Variants in ZC4H2 observed in about 807,000 individuals in gnomAD.
ZC4H2 encodes the protein zinc finger C4H2 domain-containing protein.
For synonymous variants in ZC4H2, 84 were observed against 66.3 expected (o/e 1.27, Z -1.30); for missense variants, 137 against 173.9 (o/e 0.79, Z 1.19).
At chrX:64,963,766 C>T (rs947485560) in intron 1 of ZC4H2, among the ~76,000 whole-genome samples, 3 of 111,147 alleles carry the variant, frequency 2.7e-5, no homozygotes, top group African/African-American at 9.8e-5. Flanking sequence ...TCTGCACTCC[C>T]GTGTTTATCA....
At chrX:64,952,564 C>T (rs2147391141) in intron 1 of ZC4H2, among the ~76,000 whole-genome samples, 1 of 111,230 alleles carries the variant, frequency 9.0e-6, no homozygotes, top group East Asian at 2.8e-4. Flanking sequence ...AACTCCCTTT[C>T]ACAGTTGCTT....
intron 1 of ZC4H2, among the ~76,000 whole-genome samples, chrX:65,018,846 G>C (rs1053630495): frequency 9.0e-6 from 1 of 111,479 alleles, no homozygotes; most frequent in Non-Finnish European, 1.9e-5. Flanking sequence ...AAGCTTGGTG[G>C]GGGGAGGGGC....
intron 1 of ZC4H2, among the ~76,000 whole-genome samples, chrX:64,946,134 A>AAAAACC (rs1183788688): frequency 9.1e-6 from 1 of 110,007 alleles, no homozygotes; most frequent in African/African-American, 3.3e-5. Flanking sequence ...GTGTGGGAAA[A>AAAAACC]AAAACCAAAA....
chrX:65,024,126 G>T (rs1387455239), intron 1 of ZC4H2, among the ~76,000 whole-genome samples: 3 of 110,305 alleles, frequency 2.7e-5, no homozygotes, highest in African/African-American at 6.6e-5. Flanking sequence ...GGGCACTAGG[G>T]GAGGGATAGC....
chrX:64,965,834 A>G (rs2147409141), intron 1 of ZC4H2, among the ~76,000 whole-genome samples: 1 of 108,421 alleles, frequency 9.2e-6, no homozygotes, highest in African/African-American at 3.3e-5. Flanking sequence ...GTTATTGGGG[A>G]AGCTGAAGTG....
At chrX:64,954,370 AT>A (rs35900536) in intron 1 of ZC4H2, among the ~76,000 whole-genome samples, 1 of 75,744 alleles carries the variant, frequency 1.3e-5, no homozygotes, top group African/African-American at 9.3e-5. Context: ...ATATATATAT[AT>A]AATTATATAT....
intron 1 of ZC4H2, among the ~76,000 whole-genome samples, chrX:65,018,529 C>A (rs899132261): frequency 8.9e-6 from 1 of 112,400 alleles, no homozygotes; most frequent in Admixed American, 9.4e-5. Context: ...ACAGTCTTCA[C>A]AACCAGCAGA....
At chrX:65,008,619 ATAT>A (rs1932707589) in intron 1 of ZC4H2, among the ~76,000 whole-genome samples, 1 of 112,622 alleles carries the variant, frequency 8.9e-6, no homozygotes, top group Non-Finnish European at 1.9e-5. Context: ...ACACAATGAA[ATAT>A]TATTCAACCA....
intron 1 of ZC4H2, among the ~76,000 whole-genome samples, chrX:65,020,493 C>T (rs1437977117): frequency 1.8e-5 from 2 of 111,723 alleles, no homozygotes; most frequent in South Asian, 3.7e-4. Context: ...TGCTAAGACA[C>T]TTTGTCACCA....
chrX:64,987,462 G>A (rs1932210978), intron 1 of ZC4H2, among the ~76,000 whole-genome samples: 1 of 98,581 alleles, frequency 1.0e-5, no homozygotes, highest in Non-Finnish European at 1.9e-5. Context: ...CTGGTTTGCT[G>A]GGTTTTTTTT....
At chrX:64,920,897 C>G (rs1048944768) in intron 2 of ZC4H2, among the ~76,000 whole-genome samples, 15 of 112,474 alleles carry the variant, frequency 1.3e-4, no homozygotes, top group African/African-American at 2.9e-4. Context: ...GATGCATGCT[C>G]AAGTTTGAGA....
chrX:64,920,180 T>A lies in ZC4H2; in HGVS notation c.299A>T (p.Glu100Val). 8.3e-7 allele frequency: 1 copy of A among 1,211,616 alleles called. No homozygotes were observed. Among genetic ancestry groups the A allele is most frequent in the Non-Finnish European group, 1.1e-6 (1 of 895,381 alleles). ...CACATGTTCTTTCAGTGGCTTATAC[T>A]CATCATGCAGCCTCCTTGTAGACTC... is the stretch of plus-strand genomic sequence containing the variant. Reference protein sequence around the residue: ...LLESTRRLHDEYKPLKEHVDA... With the variant: ...LLESTRRLHDVYKPLKEHVDA... Residue 100 changes from glutamate (E) to valine (V), a missense_variant, in exon 3 of 5, where the codon GAG becomes GTG. By Grantham distance (121) the Glu-to-Val change is moderately radical. Transcript: ENST00000374839.
chrX:64,986,967 G>A (rs779113711), intron 1 of ZC4H2, among the ~76,000 whole-genome samples: 10 of 87,410 alleles, frequency 1.1e-4, no homozygotes, highest in South Asian at 5.5e-4. Context: ...TCACTCTGTC[G>A]CCCAGGCTGC....
chrX:64,934,359 T>C (rs901433239), intron 1 of ZC4H2, among the ~76,000 whole-genome samples: 5 of 112,525 alleles, frequency 4.4e-5, no homozygotes, highest in Non-Finnish European at 9.4e-5. Context: ...TGACATAGGG[T>C]TATTCAAATT....
At chrX:64,938,689 CAT>C (rs905551292) in intron 1 of ZC4H2, among the ~76,000 whole-genome samples, 4 of 112,012 alleles carry the variant, frequency 3.6e-5, no homozygotes, top group Admixed American at 9.5e-5. Flanking sequence ...AAAAAAGTCA[CAT>C]GATTATCTCA....
intron 1 of ZC4H2, among the ~76,000 whole-genome samples, chrX:65,029,485 T>G (rs1318387685): frequency 9.0e-6 from 1 of 111,539 alleles, no homozygotes; most frequent in African/African-American, 3.3e-5. Flanking sequence ...AGGAGACACT[T>G]CTAGGAAACT....
At chrX:64,946,974 C>T (rs1384670075) in intron 1 of ZC4H2, among the ~76,000 whole-genome samples, 2 of 111,305 alleles carry the variant, frequency 1.8e-5, no homozygotes, top group Non-Finnish European at 3.8e-5. Flanking sequence ...ATAATGTAAG[C>T]ATTTAGTGCT....
intron 1 of ZC4H2, among the ~76,000 whole-genome samples, chrX:65,025,535 A>G (rs1932872089): frequency 8.9e-6 from 1 of 111,760 alleles, no homozygotes; most frequent in Non-Finnish European, 1.9e-5. Flanking sequence ...GTCTGGAGAA[A>G]TATACCACTC....
chrX:64,944,374 AT>A (rs1177342902), intron 1 of ZC4H2, among the ~76,000 whole-genome samples: 5 of 108,257 alleles, frequency 4.6e-5, no homozygotes, highest in Admixed American at 9.9e-5. Flanking sequence ...CAATCTCAAA[AT>A]TTTTTTTCTT....
Sources: allele counts gnomAD v4.1 joint callset (sites outside exome capture counted in the v4.1 genomes callset), GRCh38; gene constraint gnomAD v4.1.1; transcripts MANE v1.5; gene names NCBI Gene and HGNC (gene_info 2026-07-23, HGNC 2026-07-21).